PTPRD: variants seen among roughly 807,000 people sequenced by gnomAD.
PTPRD encodes the protein receptor-type tyrosine-protein phosphatase delta.
In PTPRD, 34 loss-of-function variants were observed where a neutral mutation model predicts 214.5. The observed-to-expected ratio is 0.16, with a 90% confidence interval of 0.12 to 0.21. The LOEUF is 0.21. Among genes scored for constraint, PTPRD ranks in the 10% least tolerant of loss-of-function variants. The pLI is 1.00. For missense variants in PTPRD, 2,545 were observed against 2,398.7 expected (o/e 1.06, Z -1.27); for synonymous variants, 1,128 against 845.7 (o/e 1.33, Z -5.79).
intron 4 of PTPRD, among the ~76,000 whole-genome samples, chr9:10,007,442 T>C (rs755131352): frequency 4.7e-4 from 71 of 152,022 alleles, no homozygotes; most frequent in Non-Finnish European, 9.1e-4. Flanking sequence ...ACAGTGAGAA[T>C]ACGATACGAA....
chr9:9,700,747 C>G (rs370619545), intron 7 of PTPRD, among the ~76,000 whole-genome samples: 1 of 151,452 alleles, frequency 6.6e-6, no homozygotes, highest in Admixed American at 6.6e-5. Flanking sequence ...GTCTTGTTTT[C>G]TGACCCTAAC....
chr9:8,662,713 T>G (rs183015831), intron 12 of PTPRD, among the ~76,000 whole-genome samples: 1 of 152,296 alleles, frequency 6.6e-6, no homozygotes, highest in East Asian at 1.9e-4. Context: ...TTTTTCACTT[T>G]TATCTGGACC....
In PTPRD at chr9:8,933,340, GTTTTT is replaced by G. The variant is rs71317383; in HGVS notation, c.-104+85352_-104+85356del. ...CCATCTTGCCAGCCACAACCTTGAG[GTTTTT>G]TTTTTTTTTTTTTTTTTTACATAAA... On this transcript the variant is annotated intron_variant, in intron 11 of 45. Coordinates refer to ENST00000381196, the MANE Select transcript of PTPRD (RefSeq NM_002839.4). 2.7e-3 allele frequency among the ~76,000 whole-genome samples: 220 copies of G among 80,446 alleles called. 6 individuals carry two copies. Among genetic ancestry groups the G allele is most frequent in the South Asian group, 0.011 (22 of 1,930 alleles). 52.8% of individuals were successfully genotyped at this position (80,446 alleles called of 152,430 possible).
At chr9:8,687,452 TC>T (rs1157093937) in intron 12 of PTPRD, among the ~76,000 whole-genome samples, 1 of 152,226 alleles carries the variant, frequency 6.6e-6, no homozygotes, top group Non-Finnish European at 1.5e-5. Flanking sequence ...AACCGTATGT[TC>T]CAGGTATGTG....
At chr9:9,736,290 C>T (rs560752631) in intron 6 of PTPRD, among the ~76,000 whole-genome samples, 9 of 152,198 alleles carry the variant, frequency 5.9e-5, no homozygotes, top group African/African-American at 1.9e-4. Flanking sequence ...TCATGTACTA[C>T]ATCTCTCTCT....
At chr9:9,533,375 A>C (rs1482220424) in intron 8 of PTPRD, among the ~76,000 whole-genome samples, 1 of 152,112 alleles carries the variant, frequency 6.6e-6, no homozygotes, top group African/African-American at 2.4e-5. Flanking sequence ...CATTACTGCC[A>C]CATTGATATT....
At chr9:8,350,997 T>C (rs983748842) in intron 39 of PTPRD, among the ~76,000 whole-genome samples, 1 of 152,184 alleles carries the variant, frequency 6.6e-6, no homozygotes, top group Non-Finnish European at 1.5e-5. Flanking sequence ...TCTACACATA[T>C]GCACAAAGAG....
At chr9:9,516,710 G>A (rs1007485704) in intron 8 of PTPRD, among the ~76,000 whole-genome samples, 4 of 151,770 alleles carry the variant, frequency 2.6e-5, no homozygotes, top group East Asian at 1.9e-4. Context: ...GTTAATTTTT[G>A]TATTTTTAGT....
In PTPRD at chr9:9,864,230, C is replaced by T. The variant is rs902877572; in HGVS notation, c.-368+74277G>A. ...CTGAGGCAGAAGAATCGCTTGAACC[C>T]GGGAGGCGGAGGTTGCAGTGAGCCG... is the stretch of plus-strand genomic sequence containing the variant. On this transcript the variant is annotated intron_variant, in intron 5 of 45. Transcript: ENST00000381196. 1.1e-4 allele frequency among the ~76,000 whole-genome samples: 16 copies of T among 151,948 alleles called. 1 individual carries two copies. The highest frequency in any genetic ancestry group is 3.4e-4 in the African/African-American group (14 of 41,346).
chr9:10,382,417 G>T (rs945419593), intron 2 of PTPRD, among the ~76,000 whole-genome samples: 1 of 151,702 alleles, frequency 6.6e-6, no homozygotes, highest in Non-Finnish European at 1.5e-5. Flanking sequence ...GGAACTTCTG[G>T]ATTCTAGAAC....
At chr9:9,440,690 T>C (rs144024009) in intron 8 of PTPRD, among the ~76,000 whole-genome samples, 5 of 152,358 alleles carry the variant, frequency 3.3e-5, no homozygotes, top group Middle Eastern at 3.4e-3. Context: ...AGAAATCTAT[T>C]TGTTCATTAA....
chr9:9,268,707 G>T (rs755413394), intron 9 of PTPRD, among the ~76,000 whole-genome samples: 1 of 149,628 alleles, frequency 6.7e-6, no homozygotes, highest in Non-Finnish European at 1.5e-5. Context: ...ATAAACCCAT[G>T]TTTACCATCA....
At chr9:9,859,487 T>A (rs2062238371) in intron 5 of PTPRD, among the ~76,000 whole-genome samples, 1 of 152,220 alleles carries the variant, frequency 6.6e-6, no homozygotes, top group African/African-American at 2.4e-5. Flanking sequence ...TATGCATTAT[T>A]TAACATCCTT....
chr9:9,088,530 A>T (rs1341394424), intron 10 of PTPRD, among the ~76,000 whole-genome samples: 2 of 130,302 alleles, frequency 1.5e-5, no homozygotes, highest in Non-Finnish European at 3.2e-5. Flanking sequence ...CAGTGAGCTG[A>T]GATTGTGCCA....
At chr9:8,810,388 A>G (rs1330702954) in intron 11 of PTPRD, among the ~76,000 whole-genome samples, 1 of 152,136 alleles carries the variant, frequency 6.6e-6, no homozygotes, top group Admixed American at 6.5e-5. Flanking sequence ...TTCCTTTGAA[A>G]GCCTCAATTC....
chr9:10,163,539 T>G (rs189767730), intron 3 of PTPRD, among the ~76,000 whole-genome samples: 4 of 151,644 alleles, frequency 2.6e-5, no homozygotes, highest in African/African-American at 9.6e-5. Context: ...TTTTACATAC[T>G]AAAACATATT....
At chr9:9,731,371 C>G (rs1208399154) in intron 7 of PTPRD, among the ~76,000 whole-genome samples, 1 of 152,002 alleles carries the variant, frequency 6.6e-6, no homozygotes, top group African/African-American at 2.4e-5. Flanking sequence ...GAATGTTTTT[C>G]AAATACTATT....
chr9:9,790,892 C>T (rs1053038221), intron 5 of PTPRD, among the ~76,000 whole-genome samples: 2 of 152,074 alleles, frequency 1.3e-5, no homozygotes, highest in Admixed American at 6.6e-5. Context: ...CATGTAAAAA[C>T]CCAAACTAGC....
At chr9:9,505,733 G>A (rs1267017015) in intron 8 of PTPRD, among the ~76,000 whole-genome samples, 2 of 151,368 alleles carry the variant, frequency 1.3e-5, no homozygotes, top group Non-Finnish European at 3.0e-5. Flanking sequence ...TGTTGATGTT[G>A]TTCTCATCTA....
Sources: gnomAD v4.1 joint callset for allele counts (sites outside exome capture counted in the v4.1 genomes callset) on GRCh38, gnomAD v4.1.1 for gene constraint, MANE v1.5 for transcripts, NCBI Gene and HGNC (gene_info 2026-07-23, HGNC 2026-07-21) for gene names.